Variants in MEIG1 observed in about 807,000 individuals in gnomAD.
MEIG1 encodes the protein meiosis expressed gene 1 protein homolog.
In MEIG1, 12 loss-of-function variants were observed where a neutral mutation model predicts 11.3. That is an observed-to-expected ratio of 1.07 (90% CI 0.68 to 1.73). The LOEUF (loss-of-function observed/expected upper bound fraction) is 1.73, where lower values mean the gene tolerates loss of function less well. Ranked by LOEUF, MEIG1 falls within the 40% of genes most tolerant of loss-of-function variation. MEIG1 has a pLI of 0.00. For synonymous variants in MEIG1, 41 were observed against 33.2 expected (o/e 1.24, Z -0.81); for missense variants, 119 against 104.9 (o/e 1.13, Z -0.59).
At chr10:14,973,457 G>A (rs1237565153), downstream of MEIG1, among the ~76,000 whole-genome samples, 1 of 152,028 alleles carries the variant, frequency 6.6e-6, no homozygotes, top group Non-Finnish European at 1.5e-5. Flanking sequence ...ACTAGTGACT[G>A]CTGGGAAGTA....
At chr10:14,962,172 A>G (rs1392154441) in intron 1 of MEIG1, among the ~76,000 whole-genome samples, 1 of 152,344 alleles carries the variant, frequency 6.6e-6, no homozygotes, top group Admixed American at 6.5e-5. Flanking sequence ...AGTCTGCAAG[A>G]GCTAAGTACT....
intron 1 of MEIG1, among the ~76,000 whole-genome samples, chr10:14,984,832 G>A (rs1410292011): frequency 6.6e-6 from 1 of 150,934 alleles, no homozygotes; most frequent in Non-Finnish European, 1.5e-5. Flanking sequence ...CACAGTGATG[G>A]TATGTGCAAT....
intron 1 of MEIG1, among the ~76,000 whole-genome samples, chr10:14,963,330 G>A (rs559082175): frequency 6.6e-6 from 1 of 150,546 alleles, no homozygotes; most frequent in South Asian, 2.1e-4. Context: ...CCCGACCTCA[G>A]GTGATCCACC....
chr10:14,980,152 C>T (rs556453738), intron 1 of MEIG1, among the ~76,000 whole-genome samples: 46 of 152,092 alleles, frequency 3.0e-4, no homozygotes, highest in African/African-American at 1.1e-3. Context: ...GGATGTTACG[C>T]CTATTGTCAC....
At chr10:14,970,030 A>T (rs1158924028) in intron 2 of MEIG1, among the ~76,000 whole-genome samples, 2 of 152,206 alleles carry the variant, frequency 1.3e-5, no homozygotes, top group African/African-American at 2.4e-5. Context: ...CAATCCCCAG[A>T]GAGGGCTTAG....
chr10:14,984,759 C>A (rs770021156), intron 1 of MEIG1, among the ~76,000 whole-genome samples: 1 of 152,062 alleles, frequency 6.6e-6, no homozygotes. Context: ...AGGTTGTACA[C>A]CTTGTGAAAT....
upstream of MEIG1, among the ~76,000 whole-genome samples, chr10:14,954,757 G>A (rs1370186982): frequency 6.6e-6 from 1 of 151,858 alleles, no homozygotes; most frequent in African/African-American, 2.4e-5. Context: ...TGGCAGGAAA[G>A]GTCTAAAATT....
downstream of MEIG1, among the ~76,000 whole-genome samples, chr10:14,977,658 G>T (rs55661583): frequency 8.6e-5 from 13 of 150,758 alleles, no homozygotes; most frequent in African/African-American, 2.4e-4. Flanking sequence ...CACAGTGGGT[G>T]TACCCCATGT....
chr10:14,971,236 T>TAAC (rs1843146509), intron 2 of MEIG1, among the ~76,000 whole-genome samples: 3 of 148,248 alleles, frequency 2.0e-5, no homozygotes, highest in African/African-American at 7.4e-5. Context: ...ATAATAATAA[T>TAAC]AACAACAATA....
downstream of MEIG1, among the ~76,000 whole-genome samples, chr10:14,974,514 C>T (rs1054006159): frequency 2.0e-5 from 3 of 152,136 alleles, no homozygotes; most frequent in Non-Finnish European, 2.9e-5. Context: ...TACCGCTGCT[C>T]TCTCAGGGGC....
chr10:14,955,942 T>G (rs959149494), upstream of MEIG1, among the ~76,000 whole-genome samples: 2 of 152,172 alleles, frequency 1.3e-5, no homozygotes, highest in South Asian at 4.1e-4. Context: ...CTGGCAGGGT[T>G]ATGGAGACCT....
intron 1 of MEIG1, among the ~76,000 whole-genome samples, chr10:14,965,668 C>G (rs1174476746): frequency 3.0e-5 from 4 of 133,190 alleles, no homozygotes; most frequent in Non-Finnish European, 6.0e-5. Context: ...GTCTTACATT[C>G]CCTTTTTGAG....
upstream of MEIG1, among the ~76,000 whole-genome samples, chr10:14,956,820 T>G (rs112844570): frequency 2.6e-5 from 4 of 152,140 alleles, no homozygotes; most frequent in African/African-American, 9.7e-5. Context: ...TCTCAGCACT[T>G]TGGGAGGCCA....
Position 14,972,664 on chromosome 10 carries a change from T to C in MEIG1, c.*23T>C. 1 of 1,561,512 alleles carries C rather than the reference T, an allele frequency of 6.4e-7. No individual in the cohort carries two copies. Among genetic ancestry groups the C allele is most frequent in the Non-Finnish European group, 8.7e-7 (1 of 1,153,854 alleles). Reference sequence around the variant, plus strand: ...TAGCCTGTCTTCTTTGTATTACTTGTCAATTATATTTTAAGTATTCATCAT... The same window carrying C: ...TAGCCTGTCTTCTTTGTATTACTTGCCAATTATATTTTAAGTATTCATCAT... On this transcript the variant is annotated 3_prime_UTR_variant, in exon 3 of 3. Coordinates refer to ENST00000407572, the MANE Select transcript of MEIG1 (RefSeq NM_001080836.3).
intron 1 of MEIG1, among the ~76,000 whole-genome samples, chr10:14,982,120 A>G (rs1843271723): frequency 6.6e-6 from 1 of 152,106 alleles, no homozygotes; most frequent in African/African-American, 2.4e-5. Context: ...GATCGAGGGG[A>G]GTATACATAT....
chr10:14,981,442 CCT>C, intron 1 of MEIG1, among the ~76,000 whole-genome samples: 1 of 152,268 alleles, frequency 6.6e-6, no homozygotes, highest in African/African-American at 2.4e-5. Context: ...TTGATGTCCT[CCT>C]ACAGTACAAG....
At chr10:14,960,036 C>G (rs1233905137) in intron 1 of MEIG1, among the ~76,000 whole-genome samples, 4 of 152,342 alleles carry the variant, frequency 2.6e-5, no homozygotes, top group Admixed American at 6.5e-5. Flanking sequence ...GAGCAGGGAC[C>G]GCCGGGCGTG....
intron 1 of MEIG1, among the ~76,000 whole-genome samples, 164 bp from the exon 2 acceptor site, chr10:14,966,276 C>G (rs1029981291): frequency 6.6e-5 from 10 of 151,986 alleles, no homozygotes; most frequent in Non-Finnish European, 1.2e-4. Context: ...GTTGGCCAGG[C>G]TGGTCTCAAA....
downstream of MEIG1, among the ~76,000 whole-genome samples, chr10:14,976,739 T>C (rs1441898017): frequency 2.0e-5 from 3 of 151,736 alleles, no homozygotes; most frequent in Non-Finnish European, 4.4e-5. Flanking sequence ...TAATATTCTA[T>C]AGAAATGTTA....
Sources: allele counts gnomAD v4.1 joint callset (sites outside exome capture counted in the v4.1 genomes callset), GRCh38; gene constraint gnomAD v4.1.1; transcripts MANE v1.5; gene names NCBI Gene and HGNC (gene_info 2026-07-23, HGNC 2026-07-21).